The following ZNF423 variants were observed in gnomAD, a reference collection of about 807,000 sequenced individuals.
ZNF423 encodes zinc finger protein 423, also known as Ebf-associated zinc finger protein.
In ZNF423, 12 loss-of-function variants were observed where a neutral mutation model predicts 95.8. The ratio of observed to expected loss-of-function variants is 0.13; its 90% CI spans 0.08 to 0.20. The LOEUF (loss-of-function observed/expected upper bound fraction) is 0.20, where lower values mean the gene tolerates loss of function less well. Ranked by LOEUF, ZNF423 falls within the 10% of genes least tolerant of loss-of-function variation. ZNF423 has a pLI of 1.00. For missense variants in ZNF423, 1,316 were observed against 1,737.1 expected, an observed-to-expected ratio of 0.76 and a Z score of 4.31; for synonymous variants, 749 against 711.9, an observed-to-expected ratio of 1.05 and a Z score of -0.83.
At chr16:49,670,658 T>G (rs1374232700) in intron 3 of ZNF423, among the ~76,000 whole-genome samples, 1 of 152,026 alleles carries the variant, frequency 6.6e-6, no homozygotes, top group African/African-American at 2.4e-5. Context: ...GGGACTCAGT[T>G]TCCCCACATG....
At position 49,593,611 on chromosome 16, in the gene ZNF423, C is replaced by A. The variant is rs578067776; in HGVS notation, c.3601+32559G>T. Among the ~76,000 whole-genome samples the A allele has an allele frequency of 4.2e-5, 6 of 143,578 alleles. No individual in the cohort carries two copies. The South Asian group carries it at 1.3e-3, about 30-fold the overall frequency. The allele number at this position is 143,578 out of a possible 152,430, so 94.2% of individuals were successfully genotyped here. A position where few individuals can be genotyped will look rare whatever the true frequency, so the allele number is the denominator to read the frequency against. On this transcript the variant is annotated intron_variant, in intron 5 of 7. Transcript: ENST00000563137. ...TCAACTTCCAAACTCTACCCTGACTCTCTGCCTGCAACCAAGCCATATGCC... is the reference window on the plus strand; with the variant it reads ...TCAACTTCCAAACTCTACCCTGACTATCTGCCTGCAACCAAGCCATATGCC...
intron 5 of ZNF423, among the ~76,000 whole-genome samples, chr16:49,558,971 C>T (rs1041950480): frequency 6.6e-6 from 1 of 152,264 alleles, no homozygotes; most frequent in African/African-American, 2.4e-5. Flanking sequence ...CAGGGATGTC[C>T]GAGGTGGGGG....
intron 3 of ZNF423, among the ~76,000 whole-genome samples, chr16:49,680,033 C>G (rs2031283988): frequency 6.6e-6 from 1 of 152,202 alleles, no homozygotes; most frequent in African/African-American, 2.4e-5. Flanking sequence ...TGTGGGTCTC[C>G]TCTGAGCTGA....
chr16:49,732,755 C>G (rs1278896355), intron 2 of ZNF423, among the ~76,000 whole-genome samples: 3 of 152,220 alleles, frequency 2.0e-5, no homozygotes, highest in African/African-American at 7.2e-5. Flanking sequence ...GTTATAAGGG[C>G]TCTATTTCTC....
At chr16:49,738,959 T>C (rs2033352709) in intron 2 of ZNF423, among the ~76,000 whole-genome samples, 2 of 151,668 alleles carry the variant, frequency 1.3e-5, no homozygotes, top group Non-Finnish European at 2.9e-5. Flanking sequence ...AACCAAGTTG[T>C]TGAAATAAAG....
chr16:49,535,281 G>C (rs1468880481), intron 5 of ZNF423, among the ~76,000 whole-genome samples: 1 of 152,170 alleles, frequency 6.6e-6, no homozygotes, highest in Non-Finnish European at 1.5e-5. Context: ...GCAGCCCTGG[G>C]TGGTTAAGGA....
chr16:49,716,564 TG>T (rs1321259727), intron 3 of ZNF423, among the ~76,000 whole-genome samples: 1 of 152,234 alleles, frequency 6.6e-6, no homozygotes, highest in Non-Finnish European at 1.5e-5. Context: ...TATAATCCCC[TG>T]TACATTTTTT....
chr16:49,746,305 G>C (rs2143533863), intron 2 of ZNF423, among the ~76,000 whole-genome samples: 1 of 152,198 alleles, frequency 6.6e-6, no homozygotes, highest in African/African-American at 2.4e-5. Flanking sequence ...CTTCCTGTGA[G>C]AGCGGGTCTC....
At chr16:49,498,891 G>A (rs992792846) in intron 7 of ZNF423, among the ~76,000 whole-genome samples, 6 of 152,156 alleles carry the variant, frequency 3.9e-5, no homozygotes, top group South Asian at 2.1e-4. Flanking sequence ...TCTGACAAAC[G>A]GTAAGCATAC....
chr16:49,660,787 G>C (rs2030173924), intron 3 of ZNF423, among the ~76,000 whole-genome samples: 2 of 150,864 alleles, frequency 1.3e-5, no homozygotes, highest in Non-Finnish European at 3.0e-5. Flanking sequence ...CTGAATCCCA[G>C]AGAAATGACA....
At chr16:49,639,673 G>T (rs1972903275) in intron 3 of ZNF423, among the ~76,000 whole-genome samples, 1 of 152,152 alleles carries the variant, frequency 6.6e-6, no homozygotes, top group East Asian at 1.9e-4. Context: ...AGTGATTGGA[G>T]GATGAATGAG....
chr16:49,815,914 ATT>A lies in ZNF423; in HGVS notation c.41-26370_41-26369del, dbSNP rs58692079. Reference sequence around the variant, plus strand: ...TATATATATATATATATATATATATATTTTTTTTTTTTTTTTTTTTTTGAGAC... The same window carrying A: ...TATATATATATATATATATATATATATTTTTTTTTTTTTTTTTTTTGAGAC... On this transcript the variant is annotated intron_variant, in intron 1 of 7. Transcript: ENST00000563137. 7.5e-3 allele frequency among the ~76,000 whole-genome samples: 221 copies of A among 29,562 alleles called. 1 individual carries two copies. The highest frequency in any genetic ancestry group is 0.011 in the Admixed American group (18 of 1,620). The allele number at this position is 29,562 out of a possible 152,430, so 19.4% of individuals were successfully genotyped here. A position where few individuals can be genotyped will look rare whatever the true frequency, so the allele number is the denominator to read the frequency against.
At chr16:49,539,336 A>T (rs769417527) in intron 5 of ZNF423, among the ~76,000 whole-genome samples, 26 of 152,134 alleles carry the variant, frequency 1.7e-4, no homozygotes, top group Admixed American at 1.7e-3. Context: ...CGGGAACCCC[A>T]TACCACCTCA....
At chr16:49,791,626 G>C (rs1350532715) in intron 1 of ZNF423, among the ~76,000 whole-genome samples, 1 of 152,120 alleles carries the variant, frequency 6.6e-6, no homozygotes, top group Non-Finnish European at 1.5e-5. Flanking sequence ...TATATGAGCT[G>C]ATAAAGAGGT....
At chr16:49,516,640 C>T (rs977110219) in intron 7 of ZNF423, among the ~76,000 whole-genome samples, 13 of 152,228 alleles carry the variant, frequency 8.5e-5, no homozygotes, top group Admixed American at 3.3e-4. Context: ...ACACTTCTAC[C>T]GACAGGGACC....
chr16:49,829,311 T>C (rs1233117029), intron 1 of ZNF423, among the ~76,000 whole-genome samples: 1 of 152,112 alleles, frequency 6.6e-6, no homozygotes, highest in African/African-American at 2.4e-5. Flanking sequence ...ACCCCTGAAA[T>C]GGAAGGATCC....
At chr16:49,526,479 C>T (rs1270310391) in intron 5 of ZNF423, among the ~76,000 whole-genome samples, 1 of 152,124 alleles carries the variant, frequency 6.6e-6, no homozygotes, top group Non-Finnish European at 1.5e-5. Flanking sequence ...AGCTCTGGTG[C>T]CCTCACTCAC....
chr16:49,802,292 T>C (rs2034594908), intron 1 of ZNF423, among the ~76,000 whole-genome samples: 1 of 152,158 alleles, frequency 6.6e-6, no homozygotes, highest in South Asian at 2.1e-4. Flanking sequence ...TTAAGATCCT[T>C]AGGTCCCTCC....
intron 3 of ZNF423, among the ~76,000 whole-genome samples, chr16:49,664,634 A>T (rs1285941493): frequency 4.0e-5 from 3 of 74,432 alleles, no homozygotes; most frequent in African/African-American, 1.6e-4. Context: ...CTGCCAGGAC[A>T]GGGTGGGGGG....
Sources: gnomAD v4.1 joint callset for allele counts (sites outside exome capture counted in the v4.1 genomes callset) on GRCh38, gnomAD v4.1.1 for gene constraint, MANE v1.5 for transcripts, NCBI Gene and HGNC (gene_info 2026-07-23, HGNC 2026-07-21) for gene names.